The following PRKAR2B variants were observed in gnomAD, a reference collection of about 807,000 sequenced individuals.
PRKAR2B encodes cAMP-dependent protein kinase type II-beta regulatory subunit.
In PRKAR2B, 14 loss-of-function variants were observed where a neutral mutation model predicts 49.9. The ratio of observed to expected loss-of-function variants is 0.28; its 90% confidence interval spans 0.19 to 0.44. PRKAR2B has a LOEUF of 0.44. Among genes scored for constraint, PRKAR2B ranks in the 20% least tolerant of loss-of-function variants. The pLI is 1.00. For missense variants in PRKAR2B, 393 were observed against 537.9 expected, an observed-to-expected ratio of 0.73 and a Z score of 2.67; for synonymous variants, 196 against 197.7, an observed-to-expected ratio of 0.99 and a Z score of 0.07.
At chr7:107,126,120 G>A (rs1481888286) in intron 3 of PRKAR2B, among the ~76,000 whole-genome samples, 3 of 146,630 alleles carry the variant, frequency 2.0e-5, no homozygotes, top group South Asian at 2.2e-4. Context: ...GAGGCCAGGC[G>A]CGCTGGCTCA....
chr7:107,073,005 C>A (rs1355602481), intron 2 of PRKAR2B, among the ~76,000 whole-genome samples: 2 of 152,070 alleles, frequency 1.3e-5, no homozygotes, highest in Non-Finnish European at 2.9e-5. Context: ...TATATTACAA[C>A]AATAAATACA....
chr7:107,090,708 T>G (rs142660504), intron 2 of PRKAR2B, among the ~76,000 whole-genome samples: 185 of 152,336 alleles, frequency 1.2e-3, no homozygotes, highest in African/African-American at 3.2e-3. Context: ...TCCCTGAGCT[T>G]CTTCTGTGAG....
At chr7:107,087,697 A>G (rs1201447625) in intron 2 of PRKAR2B, among the ~76,000 whole-genome samples, 1 of 152,058 alleles carries the variant, frequency 6.6e-6, no homozygotes. Context: ...GGCGGATTGC[A>G]TGAGCTCAGG....
At chr7:107,140,097 G>T (rs1313089151) in intron 4 of PRKAR2B, among the ~76,000 whole-genome samples, 1 of 152,004 alleles carries the variant, frequency 6.6e-6, no homozygotes, top group East Asian at 1.9e-4. Context: ...TCCTGTATTT[G>T]TTCTGATTAA....
intron 1 of PRKAR2B, among the ~76,000 whole-genome samples, chr7:107,062,654 T>G (rs1025632211): frequency 6.6e-6 from 1 of 152,210 alleles, no homozygotes; most frequent in Non-Finnish European, 1.5e-5. Context: ...TATATGTTTA[T>G]CAAAACTCAT....
intron 1 of PRKAR2B, chr7:107,066,692 C>T (rs953747242): frequency 2.0e-5 from 3 of 152,060 alleles, no homozygotes; most frequent in African/African-American, 7.2e-5. Context: ...CCTCAGCCTT[C>T]CGAGTAGCTG....
chr7:107,156,358 A>G (rs974810516), intron 8 of PRKAR2B, among the ~76,000 whole-genome samples: 11 of 152,238 alleles, frequency 7.2e-5, no homozygotes, highest in Admixed American at 2.6e-4. Flanking sequence ...GAGTCGCCTG[A>G]ATCCAGGAGG....
chr7:107,083,175 C>G (rs1794548028), intron 2 of PRKAR2B, among the ~76,000 whole-genome samples: 1 of 150,314 alleles, frequency 6.7e-6, no homozygotes, highest in Admixed American at 6.7e-5. Context: ...GGGGATTGTG[C>G]TACTACGCTC....
intron 1 of PRKAR2B, chr7:107,068,806 GT>G (rs1794205134): frequency 1.3e-5 from 2 of 152,116 alleles, no homozygotes; most frequent in South Asian, 4.1e-4. Context: ...CTGAGGCAGC[GT>G]TTTGATGCAA....
chr7:107,153,051 A>T (rs986533624), intron 7 of PRKAR2B, 126 bp from the exon 8 acceptor site: 61 of 442,970 alleles, frequency 1.4e-4, no homozygotes, highest in African/African-American at 1.2e-3. Context: ...AATACAACAA[A>T]CACATATACA....
chr7:107,119,255 T>TTGCCTAC (rs773218237), intron 2 of PRKAR2B, among the ~76,000 whole-genome samples: 29 of 152,248 alleles, frequency 1.9e-4, no homozygotes, highest in African/African-American at 6.7e-4. Context: ...ACCAAATATC[T>TTGCCTAC]TGCCTACTGC....
chr7:107,111,624 CAT>C (rs1795173818), intron 2 of PRKAR2B, among the ~76,000 whole-genome samples: 1 of 152,080 alleles, frequency 6.6e-6, no homozygotes, highest in African/African-American at 2.4e-5. Flanking sequence ...TTATCTAAAA[CAT>C]AATTTTTAAA....
intron 2 of PRKAR2B, among the ~76,000 whole-genome samples, chr7:107,110,845 G>A (rs1795157478): frequency 6.6e-6 from 1 of 152,144 alleles, no homozygotes; most frequent in Admixed American, 6.5e-5. Context: ...ATTACCAGCT[G>A]TGGTGGCTAC....
intron 2 of PRKAR2B, among the ~76,000 whole-genome samples, chr7:107,103,242 C>G (rs569570556): frequency 3.8e-4 from 58 of 152,198 alleles, no homozygotes; most frequent in Admixed American, 6.5e-4. Context: ...GAAAAAATTT[C>G]ATTAACAATG....
At chr7:107,050,976 G>T (rs915585186) in intron 1 of PRKAR2B, among the ~76,000 whole-genome samples, 2 of 152,124 alleles carry the variant, frequency 1.3e-5, no homozygotes, top group African/African-American at 4.8e-5. Flanking sequence ...AATTAGAGGC[G>T]TGAGCCACTG....
At chr7:107,072,676 A>G (rs1170167792) in intron 2 of PRKAR2B, among the ~76,000 whole-genome samples, 2 of 152,168 alleles carry the variant, frequency 1.3e-5, no homozygotes, top group Non-Finnish European at 2.9e-5. Context: ...ATTTAGTGCT[A>G]ACATGAAGTT....
chr7:107,078,652 C>G (rs929642516), intron 2 of PRKAR2B, among the ~76,000 whole-genome samples: 1 of 152,214 alleles, frequency 6.6e-6, no homozygotes, highest in Non-Finnish European at 1.5e-5. Context: ...CCCTCCTGCT[C>G]TACACTCTAG....
At chr7:107,121,090 C>G (rs1273818692) in intron 2 of PRKAR2B, among the ~76,000 whole-genome samples, 1 of 151,270 alleles carries the variant, frequency 6.6e-6, no homozygotes, top group African/African-American at 2.4e-5. Context: ...GCATCCAATT[C>G]TGTTGTACAG....
intron 3 of PRKAR2B, among the ~76,000 whole-genome samples, chr7:107,127,869 G>A (rs1795526922): frequency 6.6e-6 from 1 of 152,200 alleles, no homozygotes; most frequent in Admixed American, 6.5e-5. Flanking sequence ...TTTTGTACGG[G>A]TCCCCACTGG....
Sources: gnomAD v4.1 joint callset for allele counts (sites outside exome capture counted in the v4.1 genomes callset) on GRCh38, gnomAD v4.1.1 for gene constraint, MANE v1.5 for transcripts, NCBI Gene and HGNC (gene_info 2026-07-23, HGNC 2026-07-21) for gene names.